Variants in SLA2 observed in about 807,000 individuals in gnomAD.
SLA2 encodes src-like-adapter 2.
A neutral mutation model predicts 27.3 loss-of-function variants in SLA2; 22 were observed. That is an observed-to-expected ratio of 0.81 (90% CI 0.58 to 1.15). The LOEUF (loss-of-function observed/expected upper bound fraction) is 1.15. Among genes scored for constraint, SLA2 ranks in the 50% most tolerant of loss-of-function variants. The pLI, the probability that SLA2 is intolerant of heterozygous loss-of-function variation, is 0.00. For synonymous variants in SLA2, 131 were observed against 137.8 expected, an observed-to-expected ratio of 0.95 and a Z score of 0.34; for missense variants, 304 against 322.2, an observed-to-expected ratio of 0.94 and a Z score of 0.43.
At position 36,633,490 on chromosome 20, in the gene SLA2, G is replaced by A. The variant is rs2039413015; in HGVS notation, c.278+53C>T. 15 of 1,466,970 alleles carry A rather than the reference G, an allele frequency of 1.0e-5. No homozygotes were observed. The South Asian group carries it at 1.7e-4, about 17-fold the overall frequency. 90.9% of individuals were successfully genotyped at this position (1,466,970 alleles called of 1,614,324 possible). A position where few individuals can be genotyped will look rare whatever the true frequency, so the allele number is the denominator to read the frequency against. On this transcript the variant is annotated intron_variant, in intron 4 of 7. Coordinates refer to ENST00000262866, the MANE Select transcript of SLA2 (RefSeq NM_032214.4). ...GAGCCGTGCACAAAGGGGAGTTCTT[G>A]TGGGAGGAGAAAGCAGGAAGCTCTG... is the stretch of plus-strand genomic sequence containing the variant.
intron 5 of SLA2, among the ~76,000 whole-genome samples, chr20:36,617,533 C>CAAAAAAAAAAAAA (rs1159077334): frequency 5.3e-5 from 3 of 56,804 alleles, no homozygotes; most frequent in East Asian, 5.3e-4. Flanking sequence ...GACCCTGTCT[C>CAAAAAAAAAAAAA]AAAAAAAAAA....
intron 5 of SLA2, among the ~76,000 whole-genome samples, chr20:36,626,980 C>A (rs1215708816): frequency 6.6e-6 from 1 of 151,992 alleles, no homozygotes; most frequent in Non-Finnish European, 1.5e-5. Flanking sequence ...AGGTGATAGT[C>A]TGGGAAGGCG....
At chr20:36,635,591 G>A (rs1477483214) in intron 2 of SLA2, among the ~76,000 whole-genome samples, 1 of 152,096 alleles carries the variant, frequency 6.6e-6, no homozygotes, top group Non-Finnish European at 1.5e-5. Context: ...AGACACGTGT[G>A]GAGACCCTGC....
chr20:36,622,210 C>CAAAAAAAAAAA (rs549536610), intron 5 of SLA2, among the ~76,000 whole-genome samples: 3 of 100,980 alleles, frequency 3.0e-5, no homozygotes, highest in Admixed American at 1.1e-4. Context: ...GACTTGATCT[C>CAAAAAAAAAAA]AAAAAAAAAA....
At chr20:36,629,977 C>G (rs752951254) in intron 5 of SLA2, among the ~76,000 whole-genome samples, 14 of 151,960 alleles carry the variant, frequency 9.2e-5, no homozygotes, top group Non-Finnish European at 1.6e-4. Context: ...TCTCTTCTCA[C>G]TCACAGAGTT....
intron 5 of SLA2, among the ~76,000 whole-genome samples, chr20:36,629,507 C>CT (rs1459065995): frequency 6.6e-6 from 1 of 151,620 alleles, no homozygotes; most frequent in African/African-American, 2.4e-5. Flanking sequence ...GGTGCAGTGC[C>CT]TTACTCCTGT....
rs192976574 is a variant in SLA2, at chr20:36,614,717, A to G, written c.533-280T>C. Reference sequence around the variant, plus strand: ...AATTGCTTTGGGAAGAAGAAAGCTAAGGAATGCTCAGTCTACTTCTACTCA... The same window carrying G: ...AATTGCTTTGGGAAGAAGAAAGCTAGGGAATGCTCAGTCTACTTCTACTCA... On this transcript the variant is annotated intron_variant, in intron 6 of 7. Coordinates refer to ENST00000262866, the MANE Select transcript of SLA2 (RefSeq NM_032214.4). 1.9e-5 allele frequency: 19 copies of G among 985,444 alleles called. No homozygotes were observed. In the African/African-American group the frequency reaches 3.1e-4, roughly 16 times the overall value. 61.0% of individuals were successfully genotyped at this position (985,444 alleles called of 1,614,324 possible).
chr20:36,624,738 A>G (rs1243734132), intron 5 of SLA2, among the ~76,000 whole-genome samples: 1 of 152,250 alleles, frequency 6.6e-6, no homozygotes, highest in Non-Finnish European at 1.5e-5. Flanking sequence ...CATGATTTGC[A>G]GCAAACACAT....
chr20:36,623,266 CA>C (rs776399343), intron 5 of SLA2, among the ~76,000 whole-genome samples: 2,257 of 52,116 alleles, frequency 0.043, 12 homozygotes, highest in East Asian at 0.11. Flanking sequence ...CATTACATCT[CA>C]AAAAAAAAAA....
chr20:36,614,248 G>T (rs961305181), intron 7 of SLA2, 57 bp downstream of exon 7: 16 of 1,613,448 alleles, frequency 9.9e-6, no homozygotes, highest in Admixed American at 3.3e-5. Flanking sequence ...CTTCCCAGGG[G>T]TGGGTCCTTC....
rs2039158741 is a variant in SLA2 at position 36,612,965 on chromosome 20, C to G, written c.*901G>C. The G allele has an allele frequency of 6.5e-6, 1 of 152,746 alleles. No homozygotes were observed. The highest frequency in any genetic ancestry group is 1.5e-5 in the Non-Finnish European group (1 of 68,436). 9.5% of individuals were successfully genotyped at this position (152,746 alleles called of 1,614,324 possible). ...GGGTGCCGTGGCTCACACCTGTAAT[C>G]CCAGCACTTTGGGAGGCCAAGGTGG... On this transcript the variant is annotated 3_prime_UTR_variant, in exon 8 of 8. Transcript: ENST00000262866.
chr20:36,634,497 C>T lies in SLA2; in HGVS notation c.184G>A (p.Val62Ile), dbSNP rs750957681. The T allele has an allele frequency of 5.0e-5, 80 of 1,608,122 alleles. 3 individuals carry two copies. The Middle Eastern group carries it at 5.6e-3, about 113-fold the overall frequency. The stretch of plus-strand genomic sequence containing the variant: ...CAGTGCCCATGGACTTACTCAGAGA[C>T]GATGGTCAATGGCTCCCCGAGTCTC... ...SLRLGEPLTIVSEDGDWWTVL... is the reference protein window; with the variant it reads ...SLRLGEPLTIISEDGDWWTVL... The change falls in exon 3 of 8, where the codon GTC (valine) becomes ATC (isoleucine). Residue 62 changes from valine (V) to isoleucine (I), a missense_variant. Val to Ile is a conservative substitution (Grantham distance 29). Coordinates refer to ENST00000262866, the MANE Select transcript of SLA2 (RefSeq NM_032214.4).
intron 5 of SLA2, among the ~76,000 whole-genome samples, chr20:36,624,822 G>A (rs6028416): frequency 4.8e-4 from 73 of 152,326 alleles, no homozygotes; most frequent in Non-Finnish European, 9.4e-4. Context: ...AGCTGAAGAC[G>A]GAGTGCTGTG....
chr20:36,615,221 A>AT lies in SLA2; in HGVS notation c.532+3dup. On this transcript the variant is annotated splice_donor_region_variant and intron_variant, in intron 6 of 7. Transcript: ENST00000262866. ...CTAGTCCTGGAGGCAGGGAAAGGCC[A>AT]TACCAGAGTAATGGTCCACCAGGGC... is the stretch of plus-strand genomic sequence containing the variant. The AT allele has an allele frequency of 2.5e-6, 4 of 1,614,140 alleles. No homozygotes were observed. Among genetic ancestry groups the AT allele is most frequent in the Non-Finnish European group, 2.5e-6 (3 of 1,180,028 alleles).
At chr20:36,642,513 C>G (rs1481790210) in intron 1 of SLA2, among the ~76,000 whole-genome samples, 1 of 152,064 alleles carries the variant, frequency 6.6e-6, no homozygotes, top group Non-Finnish European at 1.5e-5. Context: ...AGGGGATCCT[C>G]CCACCTCAGC....
Position 36,615,437 on chromosome 20 carries a change from T to A in SLA2, c.383-63A>T. On this transcript the variant is annotated intron_variant, in intron 5 of 7. Coordinates refer to ENST00000262866, the MANE Select transcript of SLA2 (RefSeq NM_032214.4). ...TGCTGGGACTCGGCCCCACCTAGGC[T>A]GGGAAACGAAGATAGGCAACGTGAC... 1.9e-6 allele frequency: 3 copies of A among 1,600,798 alleles called. No homozygotes were observed. In the East Asian group the frequency reaches 6.7e-5, roughly 36 times the overall value.
At chr20:36,619,740 C>T (rs2039259744) in intron 5 of SLA2, among the ~76,000 whole-genome samples, 1 of 150,640 alleles carries the variant, frequency 6.6e-6, no homozygotes, top group Non-Finnish European at 1.5e-5. Context: ...ACGCCATTCT[C>T]CTGTCTCAGC....
intron 2 of SLA2, among the ~76,000 whole-genome samples, chr20:36,635,937 C>A (rs926946743): frequency 2.0e-5 from 3 of 152,178 alleles, no homozygotes; most frequent in Non-Finnish European, 2.9e-5. Context: ...TGACCAACCA[C>A]CTCTGCACAC....
chr20:36,616,786 T>C (rs1038903337), intron 5 of SLA2, among the ~76,000 whole-genome samples: 1 of 152,178 alleles, frequency 6.6e-6, no homozygotes, highest in Non-Finnish European at 1.5e-5. Flanking sequence ...CCTGGCCATA[T>C]AAGCACATTT....
Sources: gnomAD v4.1 joint callset for allele counts (sites outside exome capture counted in the v4.1 genomes callset) on GRCh38, gnomAD v4.1.1 for gene constraint, MANE v1.5 for transcripts, NCBI Gene and HGNC (gene_info 2026-07-23, HGNC 2026-07-21) for gene names.